KHDRBS2: variants seen among roughly 807,000 people sequenced by gnomAD.
KHDRBS2 encodes the protein KH RNA binding domain containing, signal transduction associated 2.
A neutral mutation model predicts 44.3 loss-of-function variants in KHDRBS2; 26 were observed. The ratio of observed to expected loss-of-function variants is 0.59; its 90% CI spans 0.43 to 0.81. KHDRBS2 has a LOEUF of 0.81. KHDRBS2 is among the 40% of genes least tolerant of loss of function. KHDRBS2 has a pLI of 0.00. For missense variants in KHDRBS2, 476 were observed against 433.1 expected (o/e 1.10, Z -0.88); for synonymous variants, 194 against 151.1 (o/e 1.28, Z -2.08).
At chr6:61,713,955 A>G (rs1047875899) in intron 7 of KHDRBS2, among the ~76,000 whole-genome samples, 6 of 151,868 alleles carry the variant, frequency 4.0e-5, no homozygotes, top group African/African-American at 1.4e-4. Context: ...AAAAAAACTT[A>G]GGAAAAACTC....
intron 2 of KHDRBS2, among the ~76,000 whole-genome samples, chr6:62,093,292 G>A (rs998025423): frequency 7.3e-5 from 11 of 150,678 alleles, no homozygotes; most frequent in African/African-American, 2.4e-4. Flanking sequence ...CTAAATCCAA[G>A]AATAAAATTT....
chr6:61,556,697 A>G, the KHDRBS2 span, among the ~76,000 whole-genome samples: 11 of 152,156 alleles, frequency 7.2e-5, no homozygotes, highest in South Asian at 2.3e-3. Context: ...CTTACAGCAC[A>G]GTGTTTTTCT....
intron 2 of KHDRBS2, among the ~76,000 whole-genome samples, chr6:62,169,886 A>T (rs943506249): frequency 2.0e-5 from 3 of 151,810 alleles, no homozygotes; most frequent in African/African-American, 7.3e-5. Context: ...GAGCAGTAAG[A>T]TTGATCCATC....
intron 3 of KHDRBS2, among the ~76,000 whole-genome samples, chr6:62,047,106 A>C (rs75945331): frequency 0.08 from 12,083 of 151,956 alleles, 519 homozygotes; most frequent in African/African-American, 0.1. Context: ...TAAACATTTC[A>C]TTCTCCATAA....
At chr6:62,106,366 G>A (rs1187162004) in intron 2 of KHDRBS2, among the ~76,000 whole-genome samples, 1 of 152,142 alleles carries the variant, frequency 6.6e-6, no homozygotes, top group African/African-American at 2.4e-5. Context: ...TCGGTCTAAT[G>A]TGGATAGTGG....
intron 1 of KHDRBS2, among the ~76,000 whole-genome samples, chr6:62,266,980 T>C (rs147728991): frequency 2.0e-5 from 3 of 152,024 alleles, no homozygotes; most frequent in Non-Finnish European, 4.4e-5. Context: ...GTTTCAGTGC[T>C]GGGAATTAGT....
At chr6:61,548,292 A>G in the KHDRBS2 span, among the ~76,000 whole-genome samples, 4 of 152,248 alleles carry the variant, frequency 2.6e-5, no homozygotes, top group East Asian at 7.7e-4. Flanking sequence ...TATGAGGGCT[A>G]TATATATAGC....
chr6:62,099,967 C>G (rs1584693877), intron 2 of KHDRBS2, among the ~76,000 whole-genome samples: 1 of 152,296 alleles, frequency 6.6e-6, no homozygotes, highest in East Asian at 1.9e-4. Flanking sequence ...TAGGATATAG[C>G]TGTCACAGAT....
At chr6:62,203,661 G>A (rs1168737523) in intron 1 of KHDRBS2, among the ~76,000 whole-genome samples, 2 of 151,958 alleles carry the variant, frequency 1.3e-5, no homozygotes, top group East Asian at 1.9e-4. Flanking sequence ...GTGCACAAGG[G>A]GTAGCCATAG....
At chr6:62,206,489 AT>A (rs1828000231) in intron 1 of KHDRBS2, among the ~76,000 whole-genome samples, 1 of 152,058 alleles carries the variant, frequency 6.6e-6, no homozygotes, top group South Asian at 2.1e-4. Flanking sequence ...GTTGAGTTCT[AT>A]TTTTGCTGAA....
chr6:61,919,775 A>G (rs183121838), intron 4 of KHDRBS2, among the ~76,000 whole-genome samples: 47 of 152,076 alleles, frequency 3.1e-4, no homozygotes, highest in Admixed American at 1.3e-3. Flanking sequence ...CAAATTTTGA[A>G]AACCACTGGT....
chr6:61,800,745 G>A (rs1344128864), intron 6 of KHDRBS2, among the ~76,000 whole-genome samples: 1 of 152,072 alleles, frequency 6.6e-6, no homozygotes, highest in Admixed American at 6.6e-5. Flanking sequence ...TCCTGCTATG[G>A]AAGTTTATTT....
intron 3 of KHDRBS2, among the ~76,000 whole-genome samples, chr6:62,020,375 C>T (rs1252433161): frequency 2.6e-5 from 4 of 151,918 alleles, no homozygotes; most frequent in Admixed American, 1.3e-4. Context: ...ATGTGGTATA[C>T]TAAATGTTCT....
intron 2 of KHDRBS2, among the ~76,000 whole-genome samples, chr6:62,070,963 A>C (rs530624865): frequency 6.1e-4 from 93 of 152,276 alleles, no homozygotes; most frequent in African/African-American, 2.2e-3. Context: ...CCAACAGTGT[A>C]AAAGTGTTCC....
intron 1 of KHDRBS2, among the ~76,000 whole-genome samples, chr6:62,237,832 A>G (rs112017307): frequency 0.011 from 1,696 of 152,170 alleles, 34 homozygotes; most frequent in African/African-American, 0.039. Flanking sequence ...CGAGGTCAGG[A>G]GTTTCAGGCC....
chr6:62,153,061 A>G (rs1362944920), intron 2 of KHDRBS2, among the ~76,000 whole-genome samples: 4 of 152,228 alleles, frequency 2.6e-5, no homozygotes, highest in African/African-American at 9.6e-5. Flanking sequence ...ATTTTGAAAC[A>G]TTATTTCACA....
chr6:61,998,835 A>G (rs1440963068), intron 3 of KHDRBS2, among the ~76,000 whole-genome samples: 1 of 152,030 alleles, frequency 6.6e-6, no homozygotes, highest in African/African-American at 2.4e-5. Context: ...TCAAACATTG[A>G]CCTTGAAGTC....
chr6:61,836,064 T>A (rs888343619), intron 6 of KHDRBS2, among the ~76,000 whole-genome samples: 4 of 151,998 alleles, frequency 2.6e-5, no homozygotes, highest in Non-Finnish European at 5.9e-5. Flanking sequence ...TTAAGTACTA[T>A]ACTCAAAGTC....
intron 1 of KHDRBS2, 40 bp from the exon 2 acceptor site, chr6:62,177,352 A>G: frequency 6.7e-7 from 1 of 1,500,230 alleles, no homozygotes; most frequent in Non-Finnish European, 9.1e-7. Flanking sequence ...TGAAATGAGG[A>G]ACAATGTTAT....
Sources: gnomAD v4.1 joint callset for allele counts (sites outside exome capture counted in the v4.1 genomes callset) on GRCh38, gnomAD v4.1.1 for gene constraint, MANE v1.5 for transcripts, NCBI Gene and HGNC (gene_info 2026-07-23, HGNC 2026-07-21) for gene names.